KCNQ3: variants seen among roughly 807,000 people sequenced by gnomAD.
KCNQ3 encodes the protein potassium voltage-gated channel subfamily KQT member 3.
KCNQ3 carries 30 observed loss-of-function variants against 92.5 expected under a neutral mutation model. That is an observed-to-expected ratio of 0.32 (90% CI 0.24 to 0.44). KCNQ3 has a LOEUF of 0.44. KCNQ3 is among the 20% of genes least tolerant of loss of function. KCNQ3 has a pLI of 1.00. For synonymous variants in KCNQ3, 450 were observed against 468.8 expected (o/e 0.96, Z 0.52); for missense variants, 913 against 1,140.3 (o/e 0.80, Z 2.87).
intron 9 of KCNQ3, among the ~76,000 whole-genome samples, chr8:132,156,586 G>T (rs1825801733): frequency 6.6e-6 from 1 of 152,004 alleles, no homozygotes; most frequent in Non-Finnish European, 1.5e-5. Context: ...TGGTGTAGGG[G>T]GATAATACAA....
chr8:132,427,568 G>C (rs1325221109), intron 1 of KCNQ3, among the ~76,000 whole-genome samples: 1 of 152,196 alleles, frequency 6.6e-6, no homozygotes, highest in East Asian at 1.9e-4. Flanking sequence ...ATTGCTGTAA[G>C]CTGCATTTGC....
At chr8:132,243,899 T>C (rs1229295668) in intron 1 of KCNQ3, among the ~76,000 whole-genome samples, 4 of 152,242 alleles carry the variant, frequency 2.6e-5, no homozygotes, top group Non-Finnish European at 5.9e-5. Context: ...ATATTATCAT[T>C]CTTGGATTGT....
intron 1 of KCNQ3, among the ~76,000 whole-genome samples, chr8:132,423,602 T>C (rs1213032454): frequency 6.6e-6 from 1 of 152,212 alleles, no homozygotes; most frequent in African/African-American, 2.4e-5. Context: ...CACAGGGCTG[T>C]TGTGAAGATC....
At chr8:132,186,958 G>GAGAGAGAGAC (rs1826985957) in intron 1 of KCNQ3, among the ~76,000 whole-genome samples, 5 of 121,822 alleles carry the variant, frequency 4.1e-5, no homozygotes, top group African/African-American at 1.7e-4. Flanking sequence ...GAGAGAGACA[G>GAGAGAGAGAC]AGAGAGAGAG....
At chr8:132,236,988 A>G (rs963007704) in intron 1 of KCNQ3, among the ~76,000 whole-genome samples, 3 of 152,184 alleles carry the variant, frequency 2.0e-5, no homozygotes, top group Admixed American at 2.0e-4. Context: ...AACAACCTGA[A>G]TGAACTCGGA....
intron 1 of KCNQ3, among the ~76,000 whole-genome samples, chr8:132,190,597 G>A (rs10956647): frequency 0.7 from 106,555 of 152,018 alleles, 38,284 homozygotes; most frequent in African/African-American, 0.82. Context: ...AACTGCAAGG[G>A]TCAACAATCA....
intron 1 of KCNQ3, among the ~76,000 whole-genome samples, chr8:132,433,592 T>A (rs948068475): frequency 5.8e-4 from 89 of 152,220 alleles, no homozygotes; most frequent in Admixed American, 5.4e-3. Flanking sequence ...GTATAGATTT[T>A]AAAAATAAAC....
At chr8:132,149,784 C>T (rs1477811161) in intron 9 of KCNQ3, among the ~76,000 whole-genome samples, 4 of 152,062 alleles carry the variant, frequency 2.6e-5, no homozygotes, top group African/African-American at 4.8e-5. Context: ...GTGCAGTGTC[C>T]AACGGCCATG....
Position 132,163,341 on chromosome 8 carries a change from C to A in KCNQ3, c.1262+127G>T, listed in dbSNP as rs553062555. On this transcript the variant is annotated intron_variant, in intron 9 of 14. Coordinates refer to ENST00000388996, the MANE Select transcript of KCNQ3 (RefSeq NM_004519.4). ...GGCAGAGGACTATGGTGGTCAGCAACAGTGTGACCCCAAAGACTCTATCTT... is the reference window on the plus strand; with the variant it reads ...GGCAGAGGACTATGGTGGTCAGCAAAAGTGTGACCCCAAAGACTCTATCTT... 13 of 815,330 alleles carry A rather than the reference C, an allele frequency of 1.6e-5. No homozygotes were observed. In the East Asian group the frequency reaches 2.9e-4, roughly 18 times the overall value. The allele number at this position is 815,330 out of a possible 1,614,324, so 50.5% of individuals were successfully genotyped here. A position where few individuals can be genotyped will look rare whatever the true frequency, so the allele number is the denominator to read the frequency against.
chr8:132,191,143 T>C (rs935242358), intron 1 of KCNQ3, among the ~76,000 whole-genome samples: 3 of 151,932 alleles, frequency 2.0e-5, no homozygotes, highest in African/African-American at 7.2e-5. Context: ...TGAGCTTTAT[T>C]CTGCAGAAGA....
At chr8:132,218,373 G>C (rs1814111482) in intron 1 of KCNQ3, among the ~76,000 whole-genome samples, 1 of 152,170 alleles carries the variant, frequency 6.6e-6, no homozygotes, top group Admixed American at 6.5e-5. Context: ...GCACATGTGG[G>C]CACACAGTAC....
intron 12 of KCNQ3, among the ~76,000 whole-genome samples, chr8:132,136,401 T>C (rs1422744067): frequency 6.6e-6 from 1 of 152,138 alleles, no homozygotes; most frequent in African/African-American, 2.4e-5. Flanking sequence ...CTGCCCGTTT[T>C]TACAAAATGC....
intron 1 of KCNQ3, among the ~76,000 whole-genome samples, chr8:132,351,611 G>T (rs961016852): frequency 6.6e-6 from 1 of 152,200 alleles, no homozygotes; most frequent in Non-Finnish European, 1.5e-5. Context: ...GGATGACCAT[G>T]AGGGTCACCT....
intron 1 of KCNQ3, among the ~76,000 whole-genome samples, chr8:132,188,378 A>G (rs907844382): frequency 3.3e-5 from 5 of 152,256 alleles, no homozygotes; most frequent in African/African-American, 1.2e-4. Flanking sequence ...CTGCAAGTCC[A>G]CATTATGATT....
intron 1 of KCNQ3, among the ~76,000 whole-genome samples, chr8:132,424,671 C>T (rs1287246790): frequency 6.6e-6 from 1 of 152,188 alleles, no homozygotes; most frequent in African/African-American, 2.4e-5. Flanking sequence ...GTTCTGGAGG[C>T]AGAGGTCTGC....
intron 1 of KCNQ3, among the ~76,000 whole-genome samples, chr8:132,460,750 C>CA (rs1340937718): frequency 2.6e-5 from 4 of 152,196 alleles, no homozygotes; most frequent in African/African-American, 9.7e-5. Context: ...TTTAAATTTA[C>CA]AAACACAAGG....
At chr8:132,279,286 G>A (rs544403866) in intron 1 of KCNQ3, among the ~76,000 whole-genome samples, 13 of 152,308 alleles carry the variant, frequency 8.5e-5, no homozygotes, top group African/African-American at 2.9e-4. Context: ...GATCTAGGGT[G>A]TGAACTAGGC....
At chr8:132,214,974 C>T (rs1025479709) in intron 1 of KCNQ3, among the ~76,000 whole-genome samples, 6 of 152,254 alleles carry the variant, frequency 3.9e-5, no homozygotes, top group African/African-American at 1.4e-4. Context: ...TCCACAGATG[C>T]CGGACTCCTT....
Position 132,480,590 on chromosome 8 carries a change from C to T in KCNQ3, c.-58G>A. On this transcript the variant is annotated 5_prime_UTR_variant, in exon 1 of 15. Coordinates refer to ENST00000388996, the MANE Select transcript of KCNQ3 (RefSeq NM_004519.4). ...CCGCTGCTGCTCTGGGAAGAAGGGG[C>T]GCTCGGGGTGCGTGAACGAGGCGGC... The T allele has an allele frequency of 8.1e-7, 1 of 1,236,742 alleles. No individual in the cohort carries two copies. The highest frequency in any genetic ancestry group is 1.0e-6 in the Non-Finnish European group (1 of 966,248). The allele number at this position is 1,236,742 out of a possible 1,614,324, so 76.6% of individuals were successfully genotyped here. A position where few individuals can be genotyped will look rare whatever the true frequency, so the allele number is the denominator to read the frequency against.
Sources: gnomAD v4.1 joint callset for allele counts (sites outside exome capture counted in the v4.1 genomes callset) on GRCh38, gnomAD v4.1.1 for gene constraint, MANE v1.5 for transcripts, NCBI Gene and HGNC (gene_info 2026-07-23, HGNC 2026-07-21) for gene names.